Variants in SLC24A5 observed in about 807,000 individuals in gnomAD.
SLC24A5 encodes sodium/potassium/calcium exchanger 5.
In SLC24A5, 46 loss-of-function variants were observed where a neutral mutation model predicts 51.6. The observed-to-expected ratio is 0.89, with a 90% CI of 0.70 to 1.14. SLC24A5 has a LOEUF of 1.14. Among genes scored for constraint, SLC24A5 ranks in the 50% most tolerant of loss-of-function variants. The pLI, the probability that SLC24A5 is intolerant of heterozygous loss-of-function variation, is 0.00. For missense variants in SLC24A5, 581 were observed against 604.1 expected (o/e 0.96, Z 0.40); for synonymous variants, 230 against 214.9 (o/e 1.07, Z -0.62).
intron 2 of SLC24A5, among the ~76,000 whole-genome samples, chr15:48,130,512 C>T (rs1357930242): frequency 6.6e-6 from 1 of 152,108 alleles, no homozygotes; most frequent in East Asian, 1.9e-4. Flanking sequence ...CACCTGTTGT[C>T]CTTCCTTGAG....
chr15:48,139,444 C>A, intron 7 of SLC24A5: 1 of 254,062 alleles, frequency 3.9e-6, no homozygotes. Context: ...CATAGGATGT[C>A]TTTTTATTAT....
In SLC24A5 at chr15:48,141,122, T is replaced by C; in HGVS notation, c.1088T>C (p.Leu363Pro). 2 of 1,612,584 alleles carry C rather than the reference T, an allele frequency of 1.2e-6. No homozygotes were observed. Among genetic ancestry groups the C allele is most frequent in the Non-Finnish European group, 1.7e-6 (2 of 1,178,780 alleles). The change falls in exon 8 of 9, where the codon CTA (leucine) becomes CCA (proline). Residue 363 changes from leucine (L) to proline (P), a missense_variant. Physicochemically the swap from Leu to Pro is moderately conservative, Grantham distance 98. Transcript: ENST00000341459. ...TATCTGTTTATTACAGGGGAAACACTAGAAATTCCCGATACAGTAATGGGC... is the reference window on the plus strand; with the variant it reads ...TATCTGTTTATTACAGGGGAAACACCAGAAATTCCCGATACAGTAATGGGC... ...VWMVTITGET[L>P]EIPDTVMGLT... is the part of the protein sequence containing the mutation.
At chr15:48,122,592 T>C (rs2038691361) in intron 2 of SLC24A5, 1 of 154,282 alleles carries the variant, frequency 6.5e-6, no homozygotes, top group Non-Finnish European at 1.4e-5. Flanking sequence ...ACCTTAGACA[T>C]CAGATGACTG....
intron 2 of SLC24A5, among the ~76,000 whole-genome samples, chr15:48,125,214 T>C (rs1356006317): frequency 2.0e-5 from 3 of 151,258 alleles, no homozygotes; most frequent in African/African-American, 7.3e-5. Context: ...TTATTTTTTA[T>C]CAGTTACTTA....
chr15:48,122,180 A>C, intron 2 of SLC24A5, 144 bp downstream of exon 2: 1 of 836,238 alleles, frequency 1.2e-6, no homozygotes. Flanking sequence ...CCCGTGTCTT[A>C]AGGAACTGGT....
At position 48,142,364 on chromosome 15, in the gene SLC24A5, T is replaced by C. The variant is rs1235648875; in HGVS notation, c.*13T>C. ...CTGTGGAGGTTGATATTATTAATAG[T>C]GTTATGCAGAAAATATGAATGGCAG... On this transcript the variant is annotated 3_prime_UTR_variant, in exon 9 of 9. Transcript: ENST00000341459. 1.3e-6 allele frequency: 2 copies of C among 1,498,348 alleles called. No homozygotes were observed. The highest frequency in any genetic ancestry group is 9.0e-7 in the Non-Finnish European group (1 of 1,108,998). The allele number at this position is 1,498,348 out of a possible 1,614,324, so 92.8% of individuals were successfully genotyped here.
intron 6 of SLC24A5, 98 bp downstream of exon 6, chr15:48,137,061 A>G: frequency 7.6e-7 from 1 of 1,321,142 alleles, no homozygotes; most frequent in Non-Finnish European, 1.0e-6. Context: ...TTTTATGTAA[A>G]AAAGACTGTG....
intron 2 of SLC24A5, among the ~76,000 whole-genome samples, chr15:48,130,525 T>C (rs1284201799): frequency 6.6e-6 from 1 of 152,174 alleles, no homozygotes; most frequent in East Asian, 1.9e-4. Flanking sequence ...TCCTTGAGAC[T>C]GAGTTTTCTA....
rs180678100 is a variant in SLC24A5 at position 48,134,112 on chromosome 15, T to C, written c.302-146T>C. ...AATGAAGTCATAAAGAAGCAAAACA[T>C]TGGACTCTTTTAATCTGTGTATTTT... is the stretch of plus-strand genomic sequence containing the variant. On this transcript the variant is annotated intron_variant, in intron 2 of 8. Transcript: ENST00000341459. The C allele has an allele frequency of 9.5e-4, 655 of 686,804 alleles. 1 individual carries two copies. The highest frequency in any genetic ancestry group is 1.0e-3 in the Non-Finnish European group (422 of 405,280). The allele number at this position is 686,804 out of a possible 1,614,324, so 42.5% of individuals were successfully genotyped here.
chr15:48,131,584 T>C (rs1042412388), intron 2 of SLC24A5, among the ~76,000 whole-genome samples: 11 of 152,160 alleles, frequency 7.2e-5, no homozygotes, highest in African/African-American at 2.6e-4. Context: ...CCCCTCTATC[T>C]TCCACCATGA....
Position 48,121,183 on chromosome 15 carries a change from TC to T in SLC24A5, c.121+19del, listed in dbSNP as rs1446018590. 10 of 1,593,884 alleles carry T rather than the reference TC, an allele frequency of 6.3e-6. No individual in the cohort carries two copies. The Middle Eastern group carries it at 8.6e-4, about 137-fold the overall frequency. On this transcript the variant is annotated intron_variant, in intron 1 of 8. Transcript: ENST00000341459. The stretch of plus-strand genomic sequence containing the variant: ...GGCCACAGGTAGGTGGACATTGGGG[TC>T]AGTTAGCTCTGCAGCAGCAGCTGCT...
chr15:48,126,053 C>G (rs1248398811), intron 2 of SLC24A5, among the ~76,000 whole-genome samples: 2 of 152,218 alleles, frequency 1.3e-5, no homozygotes, highest in Non-Finnish European at 2.9e-5. Flanking sequence ...GGTGCTCTGG[C>G]AGGGCCCCCG....
chr15:48,141,375 GAGACCAGCCTGACCAACAT>G (rs2039079278), intron 8 of SLC24A5, 161 bp downstream of exon 8: 12 of 496,594 alleles, frequency 2.4e-5, no homozygotes, highest in Non-Finnish European at 4.0e-5. Flanking sequence ...TCAGGAGTTT[GAGACCAGCCTGACCAACAT>G]GGTGAAACCC....
chr15:48,123,330 A>C (rs951531847), intron 2 of SLC24A5: 1 of 152,070 alleles, frequency 6.6e-6, no homozygotes, highest in African/African-American at 2.4e-5. Context: ...TACAAGAAAA[A>C]TAGAAGAGAA....
intron 2 of SLC24A5, among the ~76,000 whole-genome samples, chr15:48,130,747 A>G (rs761179579): frequency 1.3e-5 from 2 of 152,164 alleles, no homozygotes; most frequent in Non-Finnish European, 2.9e-5. Context: ...AAAACTTCCA[A>G]AGTATTCTTG....
In SLC24A5 at chr15:48,134,409, C is replaced by G. The variant is rs369883360; in HGVS notation, c.386-26C>G. 65 of 1,607,824 alleles carry G rather than the reference C, an allele frequency of 4.0e-5. 1 individual carries two copies. In the African/African-American group the frequency reaches 8.0e-4, roughly 20 times the overall value. On this transcript the variant is annotated intron_variant, in intron 3 of 8. Transcript: ENST00000341459. Reference sequence around the variant, plus strand: ...TTTATTTTCTTCAAGTTAACACTAACTTAGCTGGTACTATCTTGCACATAG... The same window carrying G: ...TTTATTTTCTTCAAGTTAACACTAAGTTAGCTGGTACTATCTTGCACATAG...
At chr15:48,127,482 A>T (rs2038743355) in intron 2 of SLC24A5, among the ~76,000 whole-genome samples, 1 of 152,246 alleles carries the variant, frequency 6.6e-6, no homozygotes, top group Admixed American at 6.5e-5. Context: ...TTTATCTAAT[A>T]AGCCATGTGA....
intron 6 of SLC24A5, chr15:48,138,044 T>C (rs2038945109): frequency 6.6e-6 from 1 of 152,134 alleles, no homozygotes; most frequent in Non-Finnish European, 1.5e-5. Context: ...TTTTAGCTTC[T>C]ACTCTTTCAG....
chr15:48,139,194 A>G lies in SLC24A5; in HGVS notation c.1078+19A>G, dbSNP rs1280629135. The G allele has an allele frequency of 6.4e-7, 1 of 1,570,998 alleles. No individual in the cohort carries two copies. Among genetic ancestry groups the G allele is most frequent in the African/African-American group, 1.4e-5 (1 of 73,998 alleles). On this transcript the variant is annotated intron_variant, in intron 7 of 8. Transcript: ENST00000341459. ...ATAACTGGTATGTATTTTAAGTACAATAGCACAACTTGAAAATATTCATAT... is the reference window on the plus strand; with the variant it reads ...ATAACTGGTATGTATTTTAAGTACAGTAGCACAACTTGAAAATATTCATAT...
Sources: gnomAD v4.1 joint callset for allele counts (sites outside exome capture counted in the v4.1 genomes callset) on GRCh38, gnomAD v4.1.1 for gene constraint, MANE v1.5 for transcripts, NCBI Gene and HGNC (gene_info 2026-07-23, HGNC 2026-07-21) for gene names.